TRPV3: variants seen among roughly 807,000 people sequenced by gnomAD.
TRPV3 encodes VRL-3.
In TRPV3, 88 loss-of-function variants were observed where a neutral mutation model predicts 87.1. The observed-to-expected ratio is 1.01, with a 90% CI of 0.85 to 1.21. TRPV3 has a LOEUF of 1.21. TRPV3 is among the 50% of genes most tolerant of loss of function. The pLI, the probability that TRPV3 is intolerant of heterozygous loss-of-function variation, is 0.00. For synonymous variants in TRPV3, 438 were observed against 423.3 expected (o/e 1.03, Z -0.43); for missense variants, 1,054 against 1,030.1 (o/e 1.02, Z -0.32).
rs141138093 is a variant in TRPV3, at chr17:3,544,846, T to A, written c.225-181A>T. Among the ~76,000 whole-genome samples the A allele has an allele frequency of 9.9e-5, 15 of 152,076 alleles. No individual in the cohort carries two copies. The East Asian group carries it at 2.9e-3, about 29-fold the overall frequency. Reference sequence around the variant, plus strand: ...ACTAAACTGTCTCTACTAAATTGTCTCTACTAAAAATACAACAACTAGCCA... The same window carrying A: ...ACTAAACTGTCTCTACTAAATTGTCACTACTAAAAATACAACAACTAGCCA... On this transcript the variant is annotated intron_variant, in intron 3 of 17. Transcript: ENST00000576742.
At chr17:3,524,021 G>T (rs1597471386) in intron 13 of TRPV3, among the ~76,000 whole-genome samples, 177 bp downstream of exon 13, 1 of 152,142 alleles carries the variant, frequency 6.6e-6, no homozygotes, top group Non-Finnish European at 1.5e-5. Flanking sequence ...AAGCCTGGGG[G>T]ATTTAAGGTC....
Position 3,530,334 on chromosome 17 carries a change from CT to C in TRPV3, c.1066-132del, listed in dbSNP as rs2074338492. 10 of 867,608 alleles carry C rather than the reference CT, an allele frequency of 1.2e-5. No individual in the cohort carries two copies. The highest frequency in any genetic ancestry group is 1.7e-5 in the Non-Finnish European group (10 of 582,102). 53.7% of individuals were successfully genotyped at this position (867,608 alleles called of 1,614,324 possible). On this transcript the variant is annotated intron_variant, in intron 8 of 17. Transcript: ENST00000576742. This position sits in a 1 kb window ranked among gnomAD's most constrained non-coding sequence, Gnocchi z 4.0. ...AATGGGTGGAGACCTGCCTCTGCGC[CT>C]GGCGCCATGGCCCCTGGGCCCCGTC...
intron 5 of TRPV3, 113 bp downstream of exon 5, chr17:3,543,361 T>C: frequency 7.2e-7 from 1 of 1,386,562 alleles, no homozygotes; most frequent in Non-Finnish European, 9.8e-7. Context: ...CTAGCCAGAA[T>C]TCAAGGCCCC....
chr17:3,515,047 C>G (rs2074165185), intron 16 of TRPV3, among the ~76,000 whole-genome samples: 1 of 152,110 alleles, frequency 6.6e-6, no homozygotes, highest in African/African-American at 2.4e-5. Flanking sequence ...AGATTAAACT[C>G]CAAGTGTAGC....
intron 6 of TRPV3, among the ~76,000 whole-genome samples, chr17:3,537,059 A>G (rs898790048): frequency 6.6e-6 from 1 of 152,236 alleles, no homozygotes; most frequent in African/African-American, 2.4e-5. Flanking sequence ...GGCAGAAACC[A>G]TAAAGAAAAG....
intron 7 of TRPV3, among the ~76,000 whole-genome samples, chr17:3,533,406 C>T (rs930787239): frequency 6.6e-6 from 1 of 152,202 alleles, no homozygotes; most frequent in African/African-American, 2.4e-5. Flanking sequence ...TCAAATGTCA[C>T]CTTTCAGTGA....
Position 3,513,855 on chromosome 17 carries a change from A to C in TRPV3, c.*62T>G, listed in dbSNP as rs562204969. The stretch of plus-strand genomic sequence containing the variant: ...CATCCCTCAAAGCCTCTCTGCACAG[A>C]GTCGGTGACTCCGCCTGCAGCGCCA... On this transcript the variant is annotated 3_prime_UTR_variant, in exon 18 of 18. Coordinates refer to ENST00000576742, the MANE Select transcript of TRPV3 (RefSeq NM_145068.4). 204 of 1,409,436 alleles carry C rather than the reference A, an allele frequency of 1.4e-4. 1 individual carries two copies. In the South Asian group the frequency reaches 2.2e-3, roughly 15 times the overall value. The allele number at this position is 1,409,436 out of a possible 1,614,324, so 87.3% of individuals were successfully genotyped here.
chr17:3,522,229 C>T (rs879534307), intron 13 of TRPV3, among the ~76,000 whole-genome samples: 41 of 152,080 alleles, frequency 2.7e-4, no homozygotes, highest in Admixed American at 4.6e-4. Flanking sequence ...AATTCTAGAG[C>T]GATGTGGATC....
In TRPV3 at chr17:3,524,310, T is replaced by A; in HGVS notation, c.1631A>T (p.Tyr544Phe). 6.2e-7 allele frequency: 1 copy of A among 1,614,216 alleles called. No individual in the cohort carries two copies. Among genetic ancestry groups the A allele is most frequent in the Non-Finnish European group, 8.5e-7 (1 of 1,180,038 alleles). The change falls in exon 13 of 18, where the codon TAC becomes TTC. Residue 544 changes from tyrosine (Y) to phenylalanine (F), a missense_variant. Tyr to Phe is a conservative substitution (Grantham distance 22, BLOSUM62 3). Transcript: ENST00000576742. ...CACGAGGCAGGCGAGGTACTCTTTG[T>A]AGGCAAACAAGTACAAGAAGACAGA... ...ILSVFLYLFA[Y>F]KEYLACLVLA... is the part of the protein sequence containing the mutation.
intron 12 of TRPV3, among the ~76,000 whole-genome samples, chr17:3,525,774 C>T (rs1355494011): frequency 6.6e-6 from 1 of 151,950 alleles, no homozygotes. Flanking sequence ...TGCATGCCAC[C>T]ACACACAAGG....
chr17:3,541,666 A>G (rs2074462453), intron 6 of TRPV3, among the ~76,000 whole-genome samples: 2 of 152,180 alleles, frequency 1.3e-5, no homozygotes, highest in Non-Finnish European at 1.5e-5. Flanking sequence ...TGATGATGAC[A>G]ACAGTCGACT....
At chr17:3,527,597 G>T in intron 11 of TRPV3, 1 of 219,460 alleles carries the variant, frequency 4.6e-6, no homozygotes, top group Non-Finnish European at 8.5e-6. Flanking sequence ...ATGGAAGGAT[G>T]GATGGATGGA....
chr17:3,530,175 A>G lies in TRPV3; in HGVS notation c.1094T>C (p.Ile365Thr), dbSNP rs2074336437. 3 of 1,613,586 alleles carry G rather than the reference A, an allele frequency of 1.9e-6. No individual in the cohort carries two copies. The highest frequency in any genetic ancestry group is 2.2e-5 in the South Asian group (2 of 90,974). The part of the protein sequence containing the change: ...EILKYILSRE[I>T]KEKRLRSLSR... ...CAGGCTCCGGAGCCGCTTCTCCTTG[A>G]TCTCACGACTGAGGATGTACTTCAG... Residue 365 changes from isoleucine (I) to threonine (T), a missense_variant, in exon 9 of 18, where the codon ATC becomes ACC. By Grantham distance (89) the Ile-to-Thr change is moderately conservative. Coordinates refer to ENST00000576742, the MANE Select transcript of TRPV3 (RefSeq NM_145068.4). This position sits in a 1 kb window ranked among gnomAD's most constrained non-coding sequence, Gnocchi z 4.0.
In TRPV3 at chr17:3,542,690, TGAGGAAGTCTGCA is replaced by T; in HGVS notation, c.467-5_474del. On this transcript the variant is annotated splice_acceptor_variant and splice_polypyrimidine_tract_variant and coding_sequence_variant and intron_variant, in exon 6 of 18. Coordinates refer to ENST00000576742, the MANE Select transcript of TRPV3 (RefSeq NM_145068.4). LOFTEE classifies it high-confidence loss of function. ...GTGTCGGAGGCCGTCAGCTTGTGCA[TGAGGAAGTCTGCA>T]GGCAGGGCCATGGGTGGAGTTACAG... 1 of 1,613,512 alleles carries T rather than the reference TGAGGAAGTCTGCA, an allele frequency of 6.2e-7. No homozygotes were observed. Among genetic ancestry groups the T allele is most frequent in the Non-Finnish European group, 8.5e-7 (1 of 1,179,710 alleles).
At chr17:3,549,032 A>T (rs914486467) in intron 2 of TRPV3, among the ~76,000 whole-genome samples, 1 of 152,162 alleles carries the variant, frequency 6.6e-6, no homozygotes, top group African/African-American at 2.4e-5. Flanking sequence ...TTTGCCCTAA[A>T]GTAGTCGCTC....
chr17:3,530,210 CAGG>C lies in TRPV3; in HGVS notation c.1066-10_1066-8del. 5 of 1,607,668 alleles carry C rather than the reference CAGG, an allele frequency of 3.1e-6. No homozygotes were observed. Among genetic ancestry groups the C allele is most frequent in the Non-Finnish European group, 4.3e-6 (5 of 1,176,120 alleles). Reference sequence around the variant, plus strand: ...TGAGGATGTACTTCAGGATCTGGGACAGGAGGAGGAACAACCATCAGCTGCAGA... The same window carrying C: ...TGAGGATGTACTTCAGGATCTGGGACAGGAGGAACAACCATCAGCTGCAGA... On this transcript the variant is annotated splice_region_variant and splice_polypyrimidine_tract_variant and intron_variant, in intron 8 of 17. Transcript: ENST00000576742. This position sits in a 1 kb window ranked among gnomAD's most constrained non-coding sequence, Gnocchi z 4.0.
chr17:3,513,992 A>C lies in TRPV3; in HGVS notation c.2298T>G (p.Asp766Glu). 1 of 1,613,768 alleles carries C rather than the reference A, an allele frequency of 6.2e-7. No individual in the cohort carries two copies. Among genetic ancestry groups the C allele is most frequent in the Non-Finnish European group, 8.5e-7 (1 of 1,179,804 alleles). The change falls in exon 18 of 18, where the codon GAT becomes GAG. Residue 766 changes from aspartate to glutamate, a missense_variant. Physicochemically the swap from Asp to Glu is conservative, Grantham distance 45. Coordinates refer to ENST00000576742, the MANE Select transcript of TRPV3 (RefSeq NM_145068.4). ...TGGTTTTGCTGTTGTTCCTGGAAGA[A>C]TCTTGGATTTTGTTGAAATCTGCTT... ...VRRTDFNKIQ[D>E]SSRNNSKTTL...
chr17:3,517,387 G>A (rs950923438), intron 15 of TRPV3, among the ~76,000 whole-genome samples: 1 of 152,140 alleles, frequency 6.6e-6, no homozygotes, highest in Non-Finnish European at 1.5e-5. Flanking sequence ...GGAGGCTGAG[G>A]CGGGCGAATC....
At chr17:3,548,123 C>T (rs964088442) in intron 2 of TRPV3, among the ~76,000 whole-genome samples, 2 of 152,190 alleles carry the variant, frequency 1.3e-5, no homozygotes, top group Non-Finnish European at 2.9e-5. Flanking sequence ...TCCAGGCACA[C>T]GGGGCTCCTA....
Sources: gnomAD v4.1 joint callset for allele counts (sites outside exome capture counted in the v4.1 genomes callset) on GRCh38, gnomAD v4.1.1 for gene constraint, Gnocchi (gnomAD v3.1) non-coding constraint, MANE v1.5 for transcripts, NCBI Gene and HGNC (gene_info 2026-07-23, HGNC 2026-07-21) for gene names.